Variants in NLRC5 observed in about 807,000 individuals in gnomAD.
NLRC5 encodes protein NLRC5.
A neutral mutation model predicts 206.9 loss-of-function variants in NLRC5; 114 were observed. The ratio of observed to expected loss-of-function variants is 0.55; its 90% CI spans 0.47 to 0.64. The LOEUF is 0.64. Ranked by LOEUF, NLRC5 falls within the 30% of genes least tolerant of loss-of-function variation. The pLI, the probability that NLRC5 is intolerant of heterozygous loss-of-function variation, is 0.00. For synonymous variants in NLRC5, 952 were observed against 962.8 expected, an observed-to-expected ratio of 0.99 and a Z score of 0.21; for missense variants, 2,008 against 2,305.5, an observed-to-expected ratio of 0.87 and a Z score of 2.64.
chr16:57,043,460 G>T, intron 19 of NLRC5, 55 bp from the exon 20 acceptor site: 16 of 1,267,884 alleles, frequency 1.3e-5, no homozygotes, highest in Admixed American at 1.7e-5. Flanking sequence ...TGACCACAAA[G>T]AGGATGTGTT....
chr16:57,016,888 A>G (rs1196676998), intron 1 of NLRC5, among the ~76,000 whole-genome samples, 186 bp from the exon 2 acceptor site: 1 of 152,186 alleles, frequency 6.6e-6, no homozygotes, highest in Non-Finnish European at 1.5e-5. Flanking sequence ...GCGTAAACCC[A>G]GGGACACAAG....
At chr16:57,069,512 C>T (rs1383447386) in intron 36 of NLRC5, among the ~76,000 whole-genome samples, 1 of 152,200 alleles carries the variant, frequency 6.6e-6, no homozygotes, top group African/African-American at 2.4e-5. Context: ...GACACTTCTT[C>T]AGTATTTGCT....
chr16:57,076,722 G>A, intron 39 of NLRC5, 97 bp from the exon 40 acceptor site: 2 of 1,121,488 alleles, frequency 1.8e-6, no homozygotes, highest in Non-Finnish European at 2.7e-6. Flanking sequence ...GAATTCCTGG[G>A]CGTGTAAGGC....
intron 1 of NLRC5, among the ~76,000 whole-genome samples, chr16:57,000,690 C>T (rs1404260309): frequency 2.0e-5 from 3 of 152,156 alleles, no homozygotes; most frequent in Non-Finnish European, 4.4e-5. Flanking sequence ...TGAGGGACAA[C>T]AGAGACGATG....
chr16:57,003,449 A>T (rs2058534560), intron 1 of NLRC5, among the ~76,000 whole-genome samples: 1 of 151,960 alleles, frequency 6.6e-6, no homozygotes, highest in South Asian at 2.1e-4. Flanking sequence ...GACCCCCCAT[A>T]GCAGACACTG....
chr16:57,027,133 C>T, intron 6 of NLRC5, 115 bp downstream of exon 6: 3 of 1,254,562 alleles, frequency 2.4e-6, no homozygotes, highest in Non-Finnish European at 3.3e-6. Flanking sequence ...AATATCAGAA[C>T]ATAATGGCCT....
At chr16:57,028,264 C>T in intron 7 of NLRC5, 38 bp from the exon 8 acceptor site, 2 of 1,599,824 alleles carry the variant, frequency 1.3e-6, no homozygotes, top group South Asian at 2.2e-5. Flanking sequence ...CCCTTTTCCC[C>T]TCCTCGTTCC....
intron 1 of NLRC5, among the ~76,000 whole-genome samples, chr16:56,994,768 A>C (rs1310834307): frequency 1.3e-5 from 2 of 152,110 alleles, no homozygotes; most frequent in Non-Finnish European, 2.9e-5. Context: ...GAAAGCAGAG[A>C]AGAGGAGAGG....
intron 29 of NLRC5, 39 bp from the exon 30 acceptor site, chr16:57,059,428 G>C: frequency 6.3e-7 from 1 of 1,578,510 alleles, no homozygotes; most frequent in South Asian, 1.2e-5. Flanking sequence ...AAGCTGGCAT[G>C]TCTGGGCACC....
chr16:57,042,217 A>C (rs190389368), intron 19 of NLRC5, 152 bp downstream of exon 19: 1 of 459,852 alleles, frequency 2.2e-6, no homozygotes, highest in African/African-American at 2.0e-5. Context: ...GGTGAAGGCT[A>C]GCTAATAGAT....
chr16:57,031,287 G>A (rs72780004), intron 10 of NLRC5, 117 bp from the exon 11 acceptor site: 209,060 of 1,095,532 alleles, frequency 0.19, 21,479 homozygotes, highest in Middle Eastern at 0.24. Context: ...CCTGTCAATT[G>A]CAAAATCAGC....
chr16:57,026,246 A>G lies in NLRC5; in HGVS notation c.1303A>G (p.Met435Val), dbSNP rs376911783. The G allele has an allele frequency of 1.2e-4, 201 of 1,613,752 alleles. No homozygotes were observed. The highest frequency in any genetic ancestry group is 1.6e-4 in the Non-Finnish European group (189 of 1,180,040). The stretch of plus-strand genomic sequence containing the variant: ...CCAGTCTGTGGCCCTCCTGCCCAAC[A>G]TGACTCAGCTCTATATGCAGATGGT... ...PGQSVALLPNMTQLYMQMVLA... is the reference protein window; with the variant it reads ...PGQSVALLPNVTQLYMQMVLA... The change falls in exon 6 of 49, where the codon ATG (methionine) becomes GTG (valine). Residue 435 changes from methionine to valine, a missense_variant. Met to Val is a conservative substitution (Grantham distance 21). Coordinates refer to ENST00000688547, the MANE Select transcript of NLRC5 (RefSeq NM_001384950.1).
intron 26 of NLRC5, 88 bp downstream of exon 26, chr16:57,055,182 C>A: frequency 7.4e-7 from 1 of 1,355,656 alleles, no homozygotes; most frequent in African/African-American, 1.4e-5. Context: ...AGTATGCAGA[C>A]TGCCTACCAC....
chr16:57,041,599 T>C (rs758477861), intron 18 of NLRC5, 25 bp downstream of exon 18: 7 of 1,593,716 alleles, frequency 4.4e-6, no homozygotes, highest in Middle Eastern at 3.3e-4. Flanking sequence ...TGTTGGAAGG[T>C]GGGTGGGTGG....
chr16:57,069,687 T>C (rs2067423290), intron 36 of NLRC5, 149 bp from the exon 37 acceptor site: 1 of 675,926 alleles, frequency 1.5e-6, no homozygotes. Context: ...AATGAGTTCA[T>C]GGTGGAAGAG....
rs1271909634 is a variant in NLRC5, at chr16:57,026,176, C to G, written c.1233C>G (p.Val411=). ...SLCAVPALCQ[V]ACLCLHHLLP... ...GTGCGGTGCCCGCACTGTGCCAAGT[C>G]GCCTGTCTCTGCCTCCACCATCTGC... Residue 411 remains valine (V), a synonymous_variant, in exon 6 of 49, where the codon GTC becomes GTG. Transcript: ENST00000688547. The G allele has an allele frequency of 5.0e-6, 8 of 1,613,732 alleles. No homozygotes were observed. Among genetic ancestry groups the G allele is most frequent in the Non-Finnish European group, 6.8e-6 (8 of 1,180,032 alleles).
chr16:57,040,601 A>G (rs1221626150), intron 16 of NLRC5, 49 bp from the exon 17 acceptor site: 2 of 1,565,532 alleles, frequency 1.3e-6, no homozygotes, highest in South Asian at 2.2e-5. Flanking sequence ...GATTCTGGAG[A>G]TGGCGGACAT....
At chr16:57,008,758 C>T (rs2059181669) in intron 1 of NLRC5, among the ~76,000 whole-genome samples, 1 of 152,010 alleles carries the variant, frequency 6.6e-6, no homozygotes, top group African/African-American at 2.4e-5. Flanking sequence ...CTAGCAATGG[C>T]TTAAGCAATA....
chr16:57,064,977 AAAT>A lies in NLRC5; in HGVS notation c.4155-230_4155-228del, dbSNP rs1189454582. Among the ~76,000 whole-genome samples, 4 of 152,308 alleles carry A rather than the reference AAAT, an allele frequency of 2.6e-5. No individual in the cohort carries two copies. The East Asian group carries it at 7.7e-4, about 29-fold the overall frequency. On this transcript the variant is annotated intron_variant, in intron 32 of 48. Transcript: ENST00000688547. ...ATAAAATATAAAAATATCATTTAAA[AAAT>A]AATATTTTCTGTTTGGATTGTCACA...
Sources: allele counts gnomAD v4.1 joint callset (sites outside exome capture counted in the v4.1 genomes callset), GRCh38; gene constraint gnomAD v4.1.1; transcripts MANE v1.5; gene names NCBI Gene and HGNC (gene_info 2026-07-23, HGNC 2026-07-21).